PTPRN2: variants seen among roughly 807,000 people sequenced by gnomAD.
PTPRN2 encodes the protein receptor-type tyrosine-protein phosphatase N2.
PTPRN2 carries 74 observed loss-of-function variants against 118.8 expected under a neutral mutation model. The ratio of observed to expected loss-of-function variants is 0.62; its 90% CI spans 0.52 to 0.76. The LOEUF is 0.76. Ranked by LOEUF, PTPRN2 falls within the 30% of genes least tolerant of loss-of-function variation. The pLI is 0.00. For missense variants in PTPRN2, 1,481 were observed against 1,394.4 expected, an observed-to-expected ratio of 1.06 and a Z score of -0.99; for synonymous variants, 641 against 608.0, an observed-to-expected ratio of 1.05 and a Z score of -0.80.
At chr7:158,081,801 A>T (rs73748029) in intron 10 of PTPRN2, among the ~76,000 whole-genome samples, 15,288 of 152,274 alleles carry the variant, frequency 0.1, 2,125 homozygotes, top group African/African-American at 0.31. Flanking sequence ...GGAACCATTT[A>T]AAAAACTACC....
At chr7:158,163,661 G>C (rs567170687) in intron 6 of PTPRN2, among the ~76,000 whole-genome samples, 1 of 151,026 alleles carries the variant, frequency 6.6e-6, no homozygotes, top group Non-Finnish European at 1.5e-5. Flanking sequence ...CCCGTATGAA[G>C]TTCTCAATTC....
intron 2 of PTPRN2, among the ~76,000 whole-genome samples, chr7:158,359,287 G>A (rs974172690): frequency 2.0e-5 from 3 of 152,368 alleles, no homozygotes; most frequent in African/African-American, 7.2e-5. Flanking sequence ...GATTTGAACA[G>A]GATCAGACCT....
At position 158,293,576 on chromosome 7, in the gene PTPRN2, GA is replaced by G. The variant is rs910778278; in HGVS notation, c.277+23242del. 6.8e-4 allele frequency among the ~76,000 whole-genome samples: 98 copies of G among 144,636 alleles called. 1 individual carries two copies. The highest frequency in any genetic ancestry group is 1.1e-3 in the Admixed American group (16 of 14,576). 94.9% of individuals were successfully genotyped at this position (144,636 alleles called of 152,430 possible). A position where few individuals can be genotyped will look rare whatever the true frequency, so the allele number is the denominator to read the frequency against. ...AGGTGACAGAGCAAGACTCTGTCTC[GA>G]AAAAAAAAAATAGTAACTTGTGTAC... On this transcript the variant is annotated intron_variant, in intron 3 of 22. Coordinates refer to ENST00000389418, the MANE Select transcript of PTPRN2 (RefSeq NM_002847.5).
intron 11 of PTPRN2, among the ~76,000 whole-genome samples, chr7:158,071,439 G>GTGGAGATGCTCGTGGTGA (rs1811607813): frequency 3.1e-5 from 3 of 98,254 alleles, no homozygotes; most frequent in Non-Finnish European, 6.7e-5. Flanking sequence ...GCTCGTGGTG[G>GTGGAGATGCTCGTGGTGA]TGGAGGTGCT....
intron 12 of PTPRN2, among the ~76,000 whole-genome samples, chr7:157,837,033 C>T: frequency 7.1e-6 from 1 of 141,134 alleles, no homozygotes; most frequent in South Asian, 2.5e-4. Flanking sequence ...CACCACCTGT[C>T]CACCCACCCA....
intron 11 of PTPRN2, among the ~76,000 whole-genome samples, chr7:158,040,026 T>G (rs116236536): frequency 6.7e-6 from 1 of 149,664 alleles, no homozygotes; most frequent in South Asian, 2.1e-4. Context: ...TCAGTGAGAA[T>G]GAGGATCTAT....
At position 157,953,500 on chromosome 7, in the gene PTPRN2, CT is replaced by C. The variant is rs1800966997; in HGVS notation, c.1724-54764del. On this transcript the variant is annotated intron_variant, in intron 11 of 22. Transcript: ENST00000389418. The surrounding 1 kb of genome is among the most constrained non-coding windows in gnomAD (Gnocchi z 4.6). ...TGCCCACCTTCTTCACACCATGAGG[CT>C]GCTGGCACGGGTGCCTTTGCTGCCG... Among the ~76,000 whole-genome samples the C allele has an allele frequency of 2.0e-5, 3 of 152,200 alleles. No individual in the cohort carries two copies. The highest frequency in any genetic ancestry group is 6.5e-5 in the Admixed American group (1 of 15,286).
intron 11 of PTPRN2, among the ~76,000 whole-genome samples, chr7:157,952,475 C>CGA (rs199915138): frequency 4.3e-5 from 5 of 115,878 alleles, no homozygotes; most frequent in Admixed American, 1.7e-4. Flanking sequence ...GTGGGGGACA[C>CGA]AGGGAGACAG....
intron 12 of PTPRN2, among the ~76,000 whole-genome samples, chr7:157,821,390 T>C (rs941631757): frequency 2.6e-5 from 4 of 152,116 alleles, no homozygotes; most frequent in East Asian, 3.8e-4. Context: ...AATGAGGTCA[T>C]GGAGGGAGGT....
chr7:158,376,078 A>C (rs1266815158), intron 2 of PTPRN2, among the ~76,000 whole-genome samples: 1 of 152,124 alleles, frequency 6.6e-6, no homozygotes, highest in Non-Finnish European at 1.5e-5. Context: ...TAGCACACCC[A>C]CCGCGGCTTT....
intron 22 of PTPRN2, among the ~76,000 whole-genome samples, chr7:157,542,052 C>A (rs918096277): frequency 6.6e-6 from 1 of 152,170 alleles, no homozygotes; most frequent in Non-Finnish European, 1.5e-5. Context: ...TGTCTGCCTG[C>A]GCCCCGTCTC....
At chr7:157,833,458 C>A (rs1807717559) in intron 12 of PTPRN2, among the ~76,000 whole-genome samples, 1 of 149,812 alleles carries the variant, frequency 6.7e-6, no homozygotes, top group Non-Finnish European at 1.5e-5. Context: ...TGGCCGGTGC[C>A]CATCCATCCC....
At chr7:157,888,683 G>A (rs1049561840) in intron 12 of PTPRN2, among the ~76,000 whole-genome samples, 3 of 151,958 alleles carry the variant, frequency 2.0e-5, no homozygotes, top group East Asian at 3.9e-4. Flanking sequence ...GAATCTTCAC[G>A]GATGTCTGAT....
At position 157,629,313 on chromosome 7, in the gene PTPRN2, A is replaced by T. The variant is rs1289583440; in HGVS notation, c.2197-7804T>A. On this transcript the variant is annotated intron_variant, in intron 14 of 22. Coordinates refer to ENST00000389418, the MANE Select transcript of PTPRN2 (RefSeq NM_002847.5). The surrounding 1 kb of genome is among the most constrained non-coding windows in gnomAD (Gnocchi z 4.4). ...GGTCAGTGCTATTTCAGCTCCATTCAGAGTCACAGAAATTAGGTTATTTTG... is the reference window on the plus strand; with the variant it reads ...GGTCAGTGCTATTTCAGCTCCATTCTGAGTCACAGAAATTAGGTTATTTTG... Among the ~76,000 whole-genome samples the T allele has an allele frequency of 6.6e-6, 1 of 152,198 alleles. No individual in the cohort carries two copies. Among genetic ancestry groups the T allele is most frequent in the African/African-American group, 2.4e-5 (1 of 41,442 alleles).
At chr7:158,132,699 C>T (rs1291487307) in intron 9 of PTPRN2, among the ~76,000 whole-genome samples, 1 of 151,714 alleles carries the variant, frequency 6.6e-6, no homozygotes, top group Non-Finnish European at 1.5e-5. Context: ...CTACCCAACA[C>T]ACATTCATAT....
rs777540750 is a variant in PTPRN2 at position 158,544,917 on chromosome 7, C to T, written c.112+42641G>A. On this transcript the variant is annotated intron_variant, in intron 1 of 22. Transcript: ENST00000389418. This position sits in a 1 kb window ranked among gnomAD's most constrained non-coding sequence, Gnocchi z 4.2. Reference sequence around the variant, plus strand: ...GTGCTCACACTCACGTGATCACACCCACTCTTTCTTCTTGTGGAAAGCCCC... The same window carrying T: ...GTGCTCACACTCACGTGATCACACCTACTCTTTCTTCTTGTGGAAAGCCCC... Among the ~76,000 whole-genome samples the T allele has an allele frequency of 1.9e-4, 29 of 152,214 alleles. No individual in the cohort carries two copies. Among genetic ancestry groups the T allele is most frequent in the Non-Finnish European group, 3.2e-4 (22 of 68,040 alleles).
At chr7:157,757,685 A>T (rs1318316525) in intron 12 of PTPRN2, among the ~76,000 whole-genome samples, 4 of 147,086 alleles carry the variant, frequency 2.7e-5, no homozygotes, top group Admixed American at 2.7e-4. Context: ...TTTTTTTTTT[A>T]AACCTCCCCC....
intron 11 of PTPRN2, among the ~76,000 whole-genome samples, chr7:157,969,567 TG>T (rs1802178158): frequency 6.6e-6 from 1 of 151,524 alleles, no homozygotes; most frequent in South Asian, 2.1e-4. Context: ...CCTCCTGAGG[TG>T]GGGGCCAGGG....
chr7:158,036,254 AC>A (rs1228974172), intron 11 of PTPRN2, among the ~76,000 whole-genome samples: 18 of 152,184 alleles, frequency 1.2e-4, no homozygotes, highest in African/African-American at 4.1e-4. Flanking sequence ...AGGAAAAAAA[AC>A]AAAAACACAA....
Sources: allele counts gnomAD v4.1 joint callset (sites outside exome capture counted in the v4.1 genomes callset), GRCh38; gene constraint gnomAD v4.1.1; non-coding constraint Gnocchi (gnomAD v3.1); transcripts MANE v1.5; gene names NCBI Gene and HGNC (gene_info 2026-07-23, HGNC 2026-07-21).